Variants in MGMT observed in about 807,000 individuals in gnomAD.
MGMT encodes O-6-methylguanine-DNA methyltransferase.
Under a neutral mutation model 15.9 loss-of-function variants are expected in MGMT, and 14 were observed. The observed-to-expected ratio is 0.88, with a 90% CI of 0.58 to 1.37. The LOEUF (loss-of-function observed/expected upper bound fraction) is 1.37. MGMT is among the 40% of genes most tolerant of loss of function. MGMT has a pLI of 0.00. For synonymous variants in MGMT, 130 were observed against 118.2 expected (o/e 1.10, Z -0.65); for missense variants, 282 against 268.1 (o/e 1.05, Z -0.36).
At chr10:129,617,393 G>A (rs895341508) in intron 2 of MGMT, among the ~76,000 whole-genome samples, 1 of 151,986 alleles carries the variant, frequency 6.6e-6, no homozygotes, top group African/African-American at 2.4e-5. Flanking sequence ...GTGAATATAC[G>A]CGTGCATGTA....
intron 2 of MGMT, among the ~76,000 whole-genome samples, chr10:129,657,381 C>A (rs937828429): frequency 6.6e-6 from 1 of 150,480 alleles, no homozygotes; most frequent in Non-Finnish European, 1.5e-5. Context: ...TTAGCAAGGA[C>A]CTCCTGCATT....
intron 3 of MGMT, among the ~76,000 whole-genome samples, chr10:129,712,669 G>C (rs1385346897): frequency 6.6e-6 from 1 of 152,180 alleles, no homozygotes; most frequent in Admixed American, 6.5e-5. Flanking sequence ...AGTGAGGACT[G>C]CTTGGGTCCT....
At chr10:129,541,833 T>C (rs998086342) in intron 2 of MGMT, among the ~76,000 whole-genome samples, 1 of 152,290 alleles carries the variant, frequency 6.6e-6, no homozygotes, top group South Asian at 2.1e-4. Context: ...TCTGTCTTCA[T>C]GGTAGGGATC....
At chr10:129,492,732 C>T (rs952359504) in intron 1 of MGMT, among the ~76,000 whole-genome samples, 1 of 152,180 alleles carries the variant, frequency 6.6e-6, no homozygotes, top group Admixed American at 6.5e-5. Flanking sequence ...GTCCCAGTCC[C>T]CCTAGTCCTG....
At chr10:129,748,515 G>A (rs1343222671) in intron 3 of MGMT, among the ~76,000 whole-genome samples, 1 of 152,124 alleles carries the variant, frequency 6.6e-6, no homozygotes, top group African/African-American at 2.4e-5. Context: ...GGGAGGAAAA[G>A]GCCAGTTCTT....
In MGMT at chr10:129,596,034, G is replaced by A. The variant is rs537177285; in HGVS notation, c.125+59657G>A. ...GCACAAAGAAGAGTCAGACTACGGAGGCTTGAAGGAGCTGTGAATACACTG... is the reference window on the plus strand; with the variant it reads ...GCACAAAGAAGAGTCAGACTACGGAAGCTTGAAGGAGCTGTGAATACACTG... On this transcript the variant is annotated intron_variant, in intron 2 of 4. Transcript: ENST00000651593. 5.7e-3 allele frequency among the ~76,000 whole-genome samples: 866 copies of A among 152,236 alleles called. 5 individuals carry two copies. The highest frequency in any genetic ancestry group is 8.6e-3 in the Non-Finnish European group (582 of 68,022).
At chr10:129,755,065 T>G (rs1324919163) in intron 3 of MGMT, among the ~76,000 whole-genome samples, 1 of 152,224 alleles carries the variant, frequency 6.6e-6, no homozygotes, top group Non-Finnish European at 1.5e-5. Context: ...GAAATTCTTA[T>G]CTTCTTTCCA....
At chr10:129,612,509 A>G (rs1846972757) in intron 2 of MGMT, among the ~76,000 whole-genome samples, 1 of 152,174 alleles carries the variant, frequency 6.6e-6, no homozygotes, top group African/African-American at 2.4e-5. Flanking sequence ...ACCTAGTTTT[A>G]TACCCGGGAA....
chr10:129,749,946 C>T (rs560880251), intron 3 of MGMT, among the ~76,000 whole-genome samples: 4 of 151,984 alleles, frequency 2.6e-5, no homozygotes, highest in Non-Finnish European at 5.9e-5. Flanking sequence ...AAGACTTGCC[C>T]ATTTTTTAAT....
intron 1 of MGMT, among the ~76,000 whole-genome samples, chr10:129,498,168 A>T (rs1215246819): frequency 6.6e-6 from 1 of 152,240 alleles, no homozygotes; most frequent in African/African-American, 2.4e-5. Flanking sequence ...AAGGCTCAGA[A>T]GTGATGTGCC....
At chr10:129,473,184 G>A (rs1845251650) in intron 1 of MGMT, among the ~76,000 whole-genome samples, 1 of 152,258 alleles carries the variant, frequency 6.6e-6, no homozygotes, top group African/African-American at 2.4e-5. Flanking sequence ...GCATGTGACA[G>A]TATTTTCCCA....
rs1038967754 is a variant in MGMT at position 129,532,969 on chromosome 10, C to T, written c.-12-3272C>T. Among the ~76,000 whole-genome samples the T allele has an allele frequency of 2.6e-5, 4 of 152,222 alleles. No individual in the cohort carries two copies. The highest frequency in any genetic ancestry group is 9.6e-5 in the African/African-American group (4 of 41,468). ...CCGTCCCTTCCTGCAGCTGCTCGGA[C>T]ACTGGCACATGTTGGCAGGCGTCAG... On this transcript the variant is annotated intron_variant, in intron 1 of 4. Transcript: ENST00000651593. This position sits in a 1 kb window ranked among gnomAD's most constrained non-coding sequence, Gnocchi z 5.3.
At chr10:129,731,128 C>T (rs1190780390) in intron 3 of MGMT, among the ~76,000 whole-genome samples, 1 of 152,116 alleles carries the variant, frequency 6.6e-6, no homozygotes, top group East Asian at 1.9e-4. Context: ...CAGGTGAGCT[C>T]TGAGGTCGTG....
At chr10:129,528,333 A>G (rs1439022706) in intron 1 of MGMT, among the ~76,000 whole-genome samples, 1 of 142,790 alleles carries the variant, frequency 7.0e-6, no homozygotes, top group Non-Finnish European at 1.5e-5. Flanking sequence ...TATAGTGGCC[A>G]TGGAGAGCTG....
intron 2 of MGMT, among the ~76,000 whole-genome samples, chr10:129,581,126 C>T (rs909950212): frequency 4.6e-5 from 7 of 152,204 alleles, no homozygotes; most frequent in African/African-American, 1.7e-4. Context: ...TAATTGTTAA[C>T]GGTGCAGCTG....
At chr10:129,660,657 T>C (rs1237627967) in intron 2 of MGMT, among the ~76,000 whole-genome samples, 1 of 152,116 alleles carries the variant, frequency 6.6e-6, no homozygotes, top group African/African-American at 2.4e-5. Flanking sequence ...CTGCTGTGGG[T>C]TTCCATAATG....
At chr10:129,537,326 G>A (rs1425503455) in intron 2 of MGMT, among the ~76,000 whole-genome samples, 2 of 152,094 alleles carry the variant, frequency 1.3e-5, no homozygotes, top group African/African-American at 4.8e-5. Context: ...ATCAGCACTC[G>A]CCTCCGCTGT....
At chr10:129,718,525 C>G (rs996055883) in intron 3 of MGMT, among the ~76,000 whole-genome samples, 1 of 152,110 alleles carries the variant, frequency 6.6e-6, no homozygotes, top group Non-Finnish European at 1.5e-5. Context: ...GTGAGTGTCT[C>G]TGAGCAGCTG....
At chr10:129,579,729 C>T (rs1846530244) in intron 2 of MGMT, among the ~76,000 whole-genome samples, 1 of 152,226 alleles carries the variant, frequency 6.6e-6, no homozygotes, top group Non-Finnish European at 1.5e-5. Context: ...TGGTATCTCT[C>T]CTCTGGCAGT....
Sources: allele counts gnomAD v4.1 joint callset (sites outside exome capture counted in the v4.1 genomes callset), GRCh38; gene constraint gnomAD v4.1.1; non-coding constraint Gnocchi (gnomAD v3.1); transcripts MANE v1.5; gene names NCBI Gene and HGNC (gene_info 2026-07-23, HGNC 2026-07-21).